SLC15A2: variants seen among roughly 807,000 people sequenced by gnomAD.
SLC15A2 encodes the protein solute carrier family 15 member 2.
Under a neutral mutation model 95.5 loss-of-function variants are expected in SLC15A2, and 77 were observed. The ratio of observed to expected loss-of-function variants is 0.81; its 90% CI spans 0.67 to 0.97. The LOEUF is 0.97. Among genes scored for constraint, SLC15A2 ranks in the 50% least tolerant of loss-of-function variants. SLC15A2 has a pLI of 0.00. For synonymous variants in SLC15A2, 306 were observed against 306.9 expected (o/e 1.00, Z 0.03); for missense variants, 893 against 874.4 (o/e 1.02, Z -0.27).
At chr3:121,913,153 T>C (rs1335069652) in intron 5 of SLC15A2, 33 bp downstream of exon 5, 2 of 1,542,658 alleles carry the variant, frequency 1.3e-6, no homozygotes, top group African/African-American at 1.4e-5. Flanking sequence ...TTTTCAAGAA[T>C]ATAGAGCCAG....
At chr3:121,920,469 A>G (rs1189288258) in intron 7 of SLC15A2, among the ~76,000 whole-genome samples, 3 of 151,960 alleles carry the variant, frequency 2.0e-5, no homozygotes, top group Non-Finnish European at 2.9e-5. Flanking sequence ...TAATTTTTGT[A>G]TTTTTAGCAG....
In SLC15A2 at chr3:121,913,102, C is replaced by T; in HGVS notation, c.510C>T (p.Asp170=). 1 of 1,613,184 alleles carries T rather than the reference C, an allele frequency of 6.2e-7. No homozygotes were observed. The highest frequency in any genetic ancestry group is 1.6e-4 in the Middle Eastern group (1 of 6,062). ...CCTGTGTGGCAGCTTTTGGTGGAGA[C>T]CAGTTTGAAGAAAAACATGTAAGAA... is the stretch of plus-strand genomic sequence containing the variant. ...IKPCVAAFGG[D]QFEEKHAEER... Residue 170 remains aspartate (D), a synonymous_variant, in exon 5 of 22, where the codon GAC becomes GAT. Transcript: ENST00000489711.
intron 8 of SLC15A2, among the ~76,000 whole-genome samples, 197 bp from the exon 9 acceptor site, chr3:121,922,578 G>A (rs1188576809): frequency 1.3e-5 from 2 of 151,962 alleles, no homozygotes; most frequent in African/African-American, 4.8e-5. Flanking sequence ...GTTATTTTTT[G>A]TTTTGAATGG....
At chr3:121,901,714 C>G (rs1267754524) in intron 3 of SLC15A2, among the ~76,000 whole-genome samples, 1 of 152,122 alleles carries the variant, frequency 6.6e-6, no homozygotes, top group Non-Finnish European at 1.5e-5. Flanking sequence ...CAAGACTCTT[C>G]CTTTACTGTC....
chr3:121,901,504 A>G (rs1709519444), intron 3 of SLC15A2, among the ~76,000 whole-genome samples: 3 of 152,206 alleles, frequency 2.0e-5, no homozygotes, highest in South Asian at 4.1e-4. Flanking sequence ...TTTTTAAATA[A>G]GAAAACTTGG....
chr3:121,912,618 A>T (rs190745559), intron 4 of SLC15A2, among the ~76,000 whole-genome samples: 1,799 of 151,698 alleles, frequency 0.012, 13 homozygotes, highest in Non-Finnish European at 0.02. Flanking sequence ...GAATTTGAAC[A>T]TTTTTTTTTA....
chr3:121,928,935 C>A, intron 15 of SLC15A2, 47 bp from the exon 16 acceptor site: 1 of 1,587,748 alleles, frequency 6.3e-7, no homozygotes, highest in Non-Finnish European at 8.6e-7. Flanking sequence ...GTCCAATATG[C>A]AGTAGAAGGT....
At chr3:121,894,663 G>C (rs760284162) in intron 1 of SLC15A2, 82 bp downstream of exon 1, 1 of 1,058,462 alleles carries the variant, frequency 9.4e-7, no homozygotes. Flanking sequence ...GGAGCTTCCA[G>C]CTGAGCTGTA....
intron 19 of SLC15A2, 168 bp from the exon 20 acceptor site, chr3:121,939,181 C>A: frequency 2.2e-6 from 1 of 452,434 alleles, no homozygotes. Context: ...CATAATATTA[C>A]GAAAAGAAGT....
Position 121,942,862 on chromosome 3 carries a change from C to A in SLC15A2, c.*1855C>A, listed in dbSNP as rs189039600. ...CTTGTTTAAATTAACATGTACGCTGCAGAACATTGGTTTGGAAAAAACTGT... is the reference window on the plus strand; with the variant it reads ...CTTGTTTAAATTAACATGTACGCTGAAGAACATTGGTTTGGAAAAAACTGT... On this transcript the variant is annotated 3_prime_UTR_variant, in exon 22 of 22. Coordinates refer to ENST00000489711, the MANE Select transcript of SLC15A2 (RefSeq NM_021082.4). 4 of 152,346 alleles carry A rather than the reference C, an allele frequency of 2.6e-5. No homozygotes were observed. In the East Asian group the frequency reaches 5.8e-4, roughly 22 times the overall value. The allele number at this position is 152,346 out of a possible 1,614,324, so 9.4% of individuals were successfully genotyped here. A position where few individuals can be genotyped will look rare whatever the true frequency, so the allele number is the denominator to read the frequency against.
At chr3:121,900,075 C>T (rs1289206832) in intron 3 of SLC15A2, among the ~76,000 whole-genome samples, 2 of 152,104 alleles carry the variant, frequency 1.3e-5, no homozygotes, top group African/African-American at 4.8e-5. Context: ...AGCATTTTCC[C>T]AGGTTATAAC....
intron 19 of SLC15A2, among the ~76,000 whole-genome samples, chr3:121,935,770 T>G (rs535897381): frequency 1.5e-4 from 23 of 152,298 alleles, no homozygotes; most frequent in Admixed American, 7.2e-4. Flanking sequence ...TTCCTTTAGT[T>G]CTGCTCTGAT....
At chr3:121,940,240 T>G in intron 20 of SLC15A2, 144 bp from the exon 21 acceptor site, 2 of 607,248 alleles carry the variant, frequency 3.3e-6, no homozygotes, top group South Asian at 3.9e-5. Context: ...TTTACATTAT[T>G]AACACCCTCT....
chr3:121,942,875 T>TG lies in SLC15A2; in HGVS notation c.*1870dup, dbSNP rs1217155373. The stretch of plus-strand genomic sequence containing the variant: ...ACATGTACGCTGCAGAACATTGGTT[T>TG]GGAAAAAACTGTTGAGCAGTTCTTC... On this transcript the variant is annotated 3_prime_UTR_variant, in exon 22 of 22. Coordinates refer to ENST00000489711, the MANE Select transcript of SLC15A2 (RefSeq NM_021082.4). 2.0e-5 allele frequency: 3 copies of TG among 152,240 alleles called. No homozygotes were observed. Among genetic ancestry groups the TG allele is most frequent in the Admixed American group, 2.0e-4 (3 of 15,286 alleles). The allele number at this position is 152,240 out of a possible 1,614,324, so 9.4% of individuals were successfully genotyped here. A position where few individuals can be genotyped will look rare whatever the true frequency, so the allele number is the denominator to read the frequency against.
intron 3 of SLC15A2, among the ~76,000 whole-genome samples, chr3:121,909,998 C>T (rs556471683): frequency 3.3e-5 from 5 of 151,778 alleles, no homozygotes; most frequent in Admixed American, 2.0e-4. Flanking sequence ...TTTTTTTCCT[C>T]TATGATGATC....
chr3:121,898,097 G>A (rs1407858565), intron 3 of SLC15A2, among the ~76,000 whole-genome samples: 2 of 151,872 alleles, frequency 1.3e-5, no homozygotes, highest in Non-Finnish European at 2.9e-5. Context: ...GGGAGGCAGA[G>A]GTTGCAGTGA....
At chr3:121,911,724 T>G in intron 4 of SLC15A2, 58 bp downstream of exon 4, 1 of 1,137,490 alleles carries the variant, frequency 8.8e-7, no homozygotes, top group Non-Finnish European at 1.3e-6. Context: ...TTACAAATTA[T>G]TTTCTGTTTT....
At chr3:121,898,540 T>C (rs1709464309) in intron 3 of SLC15A2, among the ~76,000 whole-genome samples, 1 of 152,224 alleles carries the variant, frequency 6.6e-6, no homozygotes, top group African/African-American at 2.4e-5. Flanking sequence ...TTTGTCTAAA[T>C]GAGCATTTCT....
intron 3 of SLC15A2, among the ~76,000 whole-genome samples, chr3:121,901,498 T>C (rs1709519355): frequency 6.6e-6 from 1 of 152,200 alleles, no homozygotes; most frequent in Non-Finnish European, 1.5e-5. Context: ...GGTTGCTTTT[T>C]AAATAAGAAA....
Sources: gnomAD v4.1 joint callset for allele counts (sites outside exome capture counted in the v4.1 genomes callset) on GRCh38, gnomAD v4.1.1 for gene constraint, MANE v1.5 for transcripts, NCBI Gene and HGNC (gene_info 2026-07-23, HGNC 2026-07-21) for gene names.